CNTNAP5: variants seen among roughly 807,000 people sequenced by gnomAD.
CNTNAP5 encodes contactin-associated protein-like 5.
A neutral mutation model predicts 150.2 loss-of-function variants in CNTNAP5; 72 were observed. That is an observed-to-expected ratio of 0.48 (90% confidence interval 0.40 to 0.58). CNTNAP5 has a LOEUF of 0.58. Ranked by LOEUF, CNTNAP5 falls within the 20% of genes least tolerant of loss-of-function variation. CNTNAP5 has a pLI of 0.00. For synonymous variants in CNTNAP5, 672 were observed against 619.8 expected, an observed-to-expected ratio of 1.08 and a Z score of -1.25; for missense variants, 1,636 against 1,626.2, an observed-to-expected ratio of 1.01 and a Z score of -0.10.
intron 7 of CNTNAP5, among the ~76,000 whole-genome samples, chr2:124,499,159 T>C (rs11899928): frequency 0.02 from 2,979 of 152,228 alleles, 52 homozygotes; most frequent in African/African-American, 0.048. Flanking sequence ...TGTTTTTTTT[T>C]CCCTAAATAT....
At chr2:124,850,290 T>A (rs1683128830) in intron 19 of CNTNAP5, among the ~76,000 whole-genome samples, 1 of 152,154 alleles carries the variant, frequency 6.6e-6, no homozygotes, top group Non-Finnish European at 1.5e-5. Flanking sequence ...TAAGTTAAAA[T>A]GAAGTCATAC....
chr2:124,726,955 T>C (rs1680169134), intron 13 of CNTNAP5, among the ~76,000 whole-genome samples: 1 of 152,162 alleles, frequency 6.6e-6, no homozygotes, highest in African/African-American at 2.4e-5. Context: ...CTTCTGTTAT[T>C]TTTACAGGTA....
Position 124,524,423 on chromosome 2 carries a change from T to C in CNTNAP5, c.1448T>C (p.Ile483Thr), listed in dbSNP as rs1694919636. ...PPAPDSTWVQ[I>T]YSGNSYYFGG... The stretch of plus-strand genomic sequence containing the variant: ...GCTCCAGACAGCACTTGGGTGCAGA[T>C]TTATTCTGGAAATAGCTACTATTTT... Residue 483 changes from isoleucine (I) to threonine (T), a missense_variant, in exon 9 of 24, where the codon ATT becomes ACT. Coordinates refer to ENST00000682447, the MANE Select transcript of CNTNAP5 (RefSeq NM_001367498.1). 1 of 1,613,302 alleles carries C rather than the reference T, an allele frequency of 6.2e-7. No homozygotes were observed. Among genetic ancestry groups the C allele is most frequent in the Non-Finnish European group, 8.5e-7 (1 of 1,179,568 alleles).
At chr2:124,249,098 C>T (rs183025899) in intron 3 of CNTNAP5, among the ~76,000 whole-genome samples, 8 of 152,204 alleles carry the variant, frequency 5.3e-5, no homozygotes, top group African/African-American at 1.7e-4. Context: ...GCCCAAATTC[C>T]TACCTAAGGG....
At chr2:124,786,404 AAGGAAGGAAGGAAGGAAG>A (rs1681585247) in intron 17 of CNTNAP5, among the ~76,000 whole-genome samples, 117 of 92,320 alleles carry the variant, frequency 1.3e-3, no homozygotes, top group South Asian at 3.0e-3. Flanking sequence ...AGAAAGAAGG[AAGGAAGGAAGGAAGGAAG>A]GAAGGAAGGA....
intron 19 of CNTNAP5, among the ~76,000 whole-genome samples, chr2:124,838,116 A>T (rs1228528315): frequency 6.6e-6 from 1 of 152,158 alleles, no homozygotes; most frequent in Non-Finnish European, 1.5e-5. Context: ...CTTCAGAGGG[A>T]TTAAAAAATA....
intron 7 of CNTNAP5, among the ~76,000 whole-genome samples, chr2:124,482,755 T>C (rs1438028888): frequency 6.6e-6 from 1 of 152,184 alleles, no homozygotes; most frequent in Non-Finnish European, 1.5e-5. Flanking sequence ...CAGCGGCTCC[T>C]GTCTCTGCAT....
At chr2:124,832,336 A>G (rs565332944) in intron 19 of CNTNAP5, among the ~76,000 whole-genome samples, 16 of 152,248 alleles carry the variant, frequency 1.1e-4, no homozygotes, top group South Asian at 6.2e-4. Flanking sequence ...ATGACACAAC[A>G]TACAGAATAA....
chr2:124,525,486 G>C (rs528395777), intron 9 of CNTNAP5, among the ~76,000 whole-genome samples: 9 of 152,306 alleles, frequency 5.9e-5, no homozygotes, highest in African/African-American at 2.2e-4. Flanking sequence ...GTAAATTGAA[G>C]AGAAGTATTG....
Position 124,492,344 on chromosome 2 carries a change from T to A in CNTNAP5, c.1063-11948T>A, listed in dbSNP as rs573731053. On this transcript the variant is annotated intron_variant, in intron 7 of 23. Transcript: ENST00000682447. ...ATTCTTTTGCAGGAGGATATCCACT[T>A]TTCTCAACACCACTGGTTGAAGAGA... Among the ~76,000 whole-genome samples the A allele has an allele frequency of 2.0e-5, 3 of 152,322 alleles. No individual in the cohort carries two copies. The East Asian group carries it at 5.8e-4, about 29-fold the overall frequency.
chr2:124,042,736 A>G (rs116060281), intron 1 of CNTNAP5, among the ~76,000 whole-genome samples: 1 of 151,872 alleles, frequency 6.6e-6, no homozygotes, highest in African/African-American at 2.4e-5. Flanking sequence ...ATTCTGTCAA[A>G]TTTTTTCTTT....
intron 11 of CNTNAP5, among the ~76,000 whole-genome samples, chr2:124,599,691 C>T (rs139833939): frequency 5.3e-5 from 8 of 152,250 alleles, no homozygotes; most frequent in African/African-American, 1.2e-4. Context: ...TTTACTCTCA[C>T]AATATTACAA....
intron 19 of CNTNAP5, among the ~76,000 whole-genome samples, chr2:124,818,596 A>G (rs1682418907): frequency 1.3e-5 from 2 of 152,040 alleles, no homozygotes; most frequent in South Asian, 4.2e-4. Flanking sequence ...CTTCAAGACA[A>G]ATTCTGAATC....
In CNTNAP5 at chr2:124,865,320, C is replaced by T. The variant is rs1360384371; in HGVS notation, c.3232C>T (p.Arg1078Cys). ...TTTCTTTCAAGGAAGCTTACAGGTT[C>T]GCTATCACCTAAACAAGGAAGAAAC... ...LLCKNGSLQVRYHLNKEETHV... is the reference protein window; with the variant it reads ...LLCKNGSLQVCYHLNKEETHV... Residue 1078 changes from arginine to cysteine, a missense_variant, in exon 20 of 24, where the codon CGC becomes TGC. By Grantham distance (180) the Arg-to-Cys change is radical. Coordinates refer to ENST00000682447, the MANE Select transcript of CNTNAP5 (RefSeq NM_001367498.1). 8 of 1,562,554 alleles carry T rather than the reference C, an allele frequency of 5.1e-6. No homozygotes were observed. Among genetic ancestry groups the T allele is most frequent in the East Asian group, 2.4e-5 (1 of 42,364 alleles).
intron 13 of CNTNAP5, among the ~76,000 whole-genome samples, chr2:124,697,890 T>G (rs994727253): frequency 5.9e-5 from 9 of 152,184 alleles, no homozygotes; most frequent in African/African-American, 2.2e-4. Flanking sequence ...GATTCTATTA[T>G]TATCCTCATT....
chr2:124,076,285 GT>G (rs1682435616), intron 1 of CNTNAP5, among the ~76,000 whole-genome samples: 1 of 152,072 alleles, frequency 6.6e-6, no homozygotes, highest in Admixed American at 6.6e-5. Context: ...AGCAGCTCTG[GT>G]TAATCAAGAA....
At chr2:124,028,157 A>G (rs1428966492) in intron 1 of CNTNAP5, among the ~76,000 whole-genome samples, 1 of 152,204 alleles carries the variant, frequency 6.6e-6, no homozygotes, top group Non-Finnish European at 1.5e-5. Flanking sequence ...TTGTGACAGT[A>G]GCCTTGAAAA....
In CNTNAP5 at chr2:124,660,866, C is replaced by A. The variant is rs967256192; in HGVS notation, c.2077+12908C>A. The stretch of plus-strand genomic sequence containing the variant: ...GGCTGAGGCACAAGAATCACTTGAA[C>A]CCGGAAGGCAGAGGTTGCAGTGAGC... On this transcript the variant is annotated intron_variant, in intron 13 of 23. Coordinates refer to ENST00000682447, the MANE Select transcript of CNTNAP5 (RefSeq NM_001367498.1). Among the ~76,000 whole-genome samples the A allele has an allele frequency of 2.4e-4, 36 of 150,796 alleles. 1 individual carries two copies. Among genetic ancestry groups the A allele is most frequent in the African/African-American group, 8.8e-4 (36 of 41,050 alleles).
chr2:124,560,743 C>A (rs976176612), intron 10 of CNTNAP5, among the ~76,000 whole-genome samples: 8 of 152,018 alleles, frequency 5.3e-5, no homozygotes, highest in Non-Finnish European at 2.9e-5. Flanking sequence ...TTCACGGGTG[C>A]AATGAAGTCT....
Sources: allele counts gnomAD v4.1 joint callset (sites outside exome capture counted in the v4.1 genomes callset), GRCh38; gene constraint gnomAD v4.1.1; transcripts MANE v1.5; gene names NCBI Gene and HGNC (gene_info 2026-07-23, HGNC 2026-07-21).